ENOX1: variants seen among roughly 807,000 people sequenced by gnomAD.
The protein encoded by ENOX1 is candidate growth-related and time keeping constitutive hydroquinone (NADH) oxidase.
Under a neutral mutation model 82.5 loss-of-function variants are expected in ENOX1, and 42 were observed. That is an observed-to-expected ratio of 0.51 (90% CI 0.40 to 0.66). The LOEUF is 0.66. Among genes scored for constraint, ENOX1 ranks in the 30% least tolerant of loss-of-function variants. The pLI, the probability that ENOX1 is intolerant of heterozygous loss-of-function variation, is 0.00. For synonymous variants in ENOX1, 271 were observed against 282.2 expected, an observed-to-expected ratio of 0.96 and a Z score of 0.40; for missense variants, 608 against 811.6, an observed-to-expected ratio of 0.75 and a Z score of 3.05.
At chr13:43,700,151 C>T (rs992798938) in intron 1 of ENOX1, among the ~76,000 whole-genome samples, 2 of 151,974 alleles carry the variant, frequency 1.3e-5, no homozygotes, top group Admixed American at 6.6e-5. Context: ...CATTCATAAA[C>T]GAGTTTGAGT....
chr13:43,771,933 A>ATTTTTTTTTTTTTTTTTTTTT, intron 1 of ENOX1, among the ~76,000 whole-genome samples: 1 of 101,002 alleles, frequency 9.9e-6, no homozygotes, highest in Non-Finnish European at 1.9e-5. Flanking sequence ...CGCCCGGCTA[A>ATTTTTTTTTTTTTTTTTTTTT]TTTTTTTTTT....
At chr13:43,303,047 T>TC (rs1405838202) in intron 11 of ENOX1, among the ~76,000 whole-genome samples, 1 of 152,208 alleles carries the variant, frequency 6.6e-6, no homozygotes, top group Non-Finnish European at 1.5e-5. Context: ...TGTTTAACAT[T>TC]CCCCCTCCAC....
chr13:43,675,362 T>C (rs2085459971), intron 1 of ENOX1, among the ~76,000 whole-genome samples: 1 of 152,170 alleles, frequency 6.6e-6, no homozygotes, highest in Non-Finnish European at 1.5e-5. Context: ...AAACCCTAGC[T>C]ACAAAGACCA....
chr13:43,384,596 C>T (rs1323620), intron 5 of ENOX1, among the ~76,000 whole-genome samples: 132,070 of 152,208 alleles, frequency 0.87, 58,551 homozygotes, highest in Non-Finnish European at 0.95. Context: ...ATAGAACTAC[C>T]TGGCTCTTAG....
intron 11 of ENOX1, among the ~76,000 whole-genome samples, chr13:43,303,179 C>T (rs1174204442): frequency 2.0e-5 from 3 of 152,170 alleles, no homozygotes; most frequent in East Asian, 1.9e-4. Flanking sequence ...GCAGTTGTAC[C>T]GATAGCCCCT....
intron 1 of ENOX1, among the ~76,000 whole-genome samples, chr13:43,711,756 T>G (rs1436890661): frequency 6.6e-6 from 1 of 151,616 alleles, no homozygotes; most frequent in Non-Finnish European, 1.5e-5. Context: ...TCACCCACTT[T>G]TTGATGGGGT....
chr13:43,626,567 A>G (rs1295664483), intron 2 of ENOX1, among the ~76,000 whole-genome samples: 1 of 151,840 alleles, frequency 6.6e-6, no homozygotes, highest in Admixed American at 6.6e-5. Flanking sequence ...GCATTGACTA[A>G]AAGTATATTA....
chr13:43,358,927 A>T (rs2050320319), intron 7 of ENOX1, among the ~76,000 whole-genome samples: 1 of 152,348 alleles, frequency 6.6e-6, no homozygotes. Flanking sequence ...AAAGTTCTCC[A>T]TATCACTGTC....
At chr13:43,387,913 G>A (rs896152922) in intron 5 of ENOX1, among the ~76,000 whole-genome samples, 1 of 152,096 alleles carries the variant, frequency 6.6e-6, no homozygotes, top group African/African-American at 2.4e-5. Flanking sequence ...CAGTATAGGA[G>A]GTAAAATTGG....
intron 14 of ENOX1, among the ~76,000 whole-genome samples, chr13:43,264,947 G>A (rs117473834): frequency 0.011 from 1,698 of 152,302 alleles, 23 homozygotes; most frequent in Middle Eastern, 0.024. Flanking sequence ...AACAGAGAAG[G>A]AGTACATTTC....
intron 12 of ENOX1, among the ~76,000 whole-genome samples, chr13:43,294,339 C>T (rs544468033): frequency 1.3e-4 from 19 of 151,870 alleles, no homozygotes; most frequent in Non-Finnish European, 1.9e-4. Flanking sequence ...GATTTTTAAG[C>T]GGATTATTAA....
intron 3 of ENOX1, among the ~76,000 whole-genome samples, chr13:43,461,990 C>T (rs933288406): frequency 2.0e-5 from 3 of 152,178 alleles, no homozygotes; most frequent in Non-Finnish European, 4.4e-5. Flanking sequence ...ATGTGGAGAA[C>T]AAGCCACTGA....
intron 2 of ENOX1, among the ~76,000 whole-genome samples, chr13:43,504,950 T>A (rs1463497022): frequency 6.6e-6 from 1 of 151,816 alleles, no homozygotes; most frequent in Non-Finnish European, 1.5e-5. Context: ...GTAAAAATTT[T>A]ACATTATTCT....
In ENOX1 at chr13:43,275,573, AACACAC is replaced by A. The variant is rs71202257; in HGVS notation, c.1447-6002_1447-5997del. On this transcript the variant is annotated intron_variant, in intron 12 of 16. Coordinates refer to ENST00000690772, the MANE Select transcript of ENOX1 (RefSeq NM_001347969.2). ...ATAGATATAGACAGTGACTGACACC[AACACAC>A]ACACACACACACACACACACATACA... Among the ~76,000 whole-genome samples the A allele has an allele frequency of 5.0e-4, 74 of 148,988 alleles. 1 individual carries two copies. The East Asian group carries it at 0.012, about 24-fold the overall frequency.
chr13:43,779,013 G>C (rs1952085374), intron 1 of ENOX1, among the ~76,000 whole-genome samples: 1 of 152,000 alleles, frequency 6.6e-6, no homozygotes, highest in African/African-American at 2.4e-5. Context: ...ATGATTGTCT[G>C]AGCAGTGCCA....
At chr13:43,596,091 A>C (rs940911370) in intron 2 of ENOX1, among the ~76,000 whole-genome samples, 11 of 152,236 alleles carry the variant, frequency 7.2e-5, no homozygotes, top group African/African-American at 2.7e-4. Context: ...CTCCCAGCTA[A>C]ACTCAATCTC....
At position 43,582,116 on chromosome 13, in the gene ENOX1, G is replaced by A. The variant is rs2080771497; in HGVS notation, c.-219+85363C>T. Reference sequence around the variant, plus strand: ...AGTATAGAAAACATTCTTGTATCATGATACAATAAAACTATCAATATCTAA... The same window carrying A: ...AGTATAGAAAACATTCTTGTATCATAATACAATAAAACTATCAATATCTAA... On this transcript the variant is annotated intron_variant, in intron 2 of 16. Coordinates refer to ENST00000690772, the MANE Select transcript of ENOX1 (RefSeq NM_001347969.2). Among the ~76,000 whole-genome samples, 3 of 151,944 alleles carry A rather than the reference G, an allele frequency of 2.0e-5. No individual in the cohort carries two copies. The South Asian group carries it at 6.2e-4, about 32-fold the overall frequency.
At chr13:43,616,151 TAG>T (rs1555341761) in intron 2 of ENOX1, among the ~76,000 whole-genome samples, 1,413 of 44,138 alleles carry the variant, frequency 0.032, 348 homozygotes, top group African/African-American at 0.099. Flanking sequence ...GATATCTATA[TAG>T]ATAGATATCT....
intron 5 of ENOX1, among the ~76,000 whole-genome samples, chr13:43,380,797 A>G (rs1436581402): frequency 6.6e-6 from 1 of 151,808 alleles, no homozygotes; most frequent in Non-Finnish European, 1.5e-5. Context: ...GATAAAAAAT[A>G]TAATTATGGA....
Sources: allele counts gnomAD v4.1 joint callset (sites outside exome capture counted in the v4.1 genomes callset), GRCh38; gene constraint gnomAD v4.1.1; transcripts MANE v1.5; gene names NCBI Gene and HGNC (gene_info 2026-07-23, HGNC 2026-07-21).